The following CACNB2 variants were observed in gnomAD, a reference collection of about 807,000 sequenced individuals.
CACNB2 encodes voltage-dependent L-type calcium channel subunit beta-2.
A neutral mutation model predicts 73.3 loss-of-function variants in CACNB2; 42 were observed. The observed-to-expected ratio is 0.57, with a 90% CI of 0.45 to 0.74. CACNB2 has a LOEUF of 0.74. Among genes scored for constraint, CACNB2 ranks in the 30% least tolerant of loss-of-function variants. CACNB2 has a pLI of 0.00. For synonymous variants in CACNB2, 348 were observed against 310.3 expected, an observed-to-expected ratio of 1.12 and a Z score of -1.28; for missense variants, 940 against 853.0, an observed-to-expected ratio of 1.10 and a Z score of -1.27.
At chr10:18,355,753 A>G (rs1050519519) in intron 2 of CACNB2, among the ~76,000 whole-genome samples, 1 of 150,940 alleles carries the variant, frequency 6.6e-6, no homozygotes, top group African/African-American at 2.4e-5. Flanking sequence ...TCTCTGCCTC[A>G]GCCTCCCGAG....
intron 2 of CACNB2, among the ~76,000 whole-genome samples, chr10:18,326,864 C>G (rs191878296): frequency 6.6e-6 from 1 of 152,058 alleles, no homozygotes; most frequent in Non-Finnish European, 1.5e-5. Flanking sequence ...GTAGCTGGGA[C>G]TACAGGCATG....
chr10:18,452,833 A>G (rs2047079969), intron 3 of CACNB2, among the ~76,000 whole-genome samples: 1 of 152,228 alleles, frequency 6.6e-6, no homozygotes, highest in Non-Finnish European at 1.5e-5. Flanking sequence ...TCATTCCTTA[A>G]TGAGTATACC....
intron 2 of CACNB2, among the ~76,000 whole-genome samples, chr10:18,386,494 C>T (rs1386990249): frequency 6.6e-6 from 1 of 150,578 alleles, no homozygotes; most frequent in African/African-American, 2.4e-5. Context: ...GCTCCGCCTC[C>T]TGGGTTTGCA....
At chr10:18,346,906 C>T (rs2041482038) in intron 2 of CACNB2, among the ~76,000 whole-genome samples, 1 of 152,010 alleles carries the variant, frequency 6.6e-6, no homozygotes, top group South Asian at 2.1e-4. Context: ...CTGTTAGTGG[C>T]TTTTTGGACA....
chr10:18,535,525 C>A (rs1417785450), intron 11 of CACNB2, among the ~76,000 whole-genome samples: 1 of 152,074 alleles, frequency 6.6e-6, no homozygotes, highest in Non-Finnish European at 1.5e-5. Context: ...GTAATCCCAG[C>A]ACTCTACTAG....
intron 3 of CACNB2, among the ~76,000 whole-genome samples, chr10:18,487,476 G>A (rs2132900858): frequency 6.6e-6 from 1 of 152,234 alleles, no homozygotes; most frequent in East Asian, 1.9e-4. Context: ...TAATAGTGCT[G>A]GAGTCAGGGT....
At chr10:18,244,992 C>A (rs895184168) in intron 2 of CACNB2, among the ~76,000 whole-genome samples, 8 of 151,914 alleles carry the variant, frequency 5.3e-5, no homozygotes, top group African/African-American at 1.9e-4. Flanking sequence ...TGTGGAGGGG[C>A]CATGAGCCAA....
intron 2 of CACNB2, among the ~76,000 whole-genome samples, chr10:18,358,649 G>GA (rs2042028594): frequency 6.6e-6 from 1 of 151,214 alleles, no homozygotes; most frequent in Non-Finnish European, 1.5e-5. Flanking sequence ...GACATGCCAA[G>GA]TTTTTTTTAA....
intron 2 of CACNB2, among the ~76,000 whole-genome samples, chr10:18,220,239 A>AGAGAGGGTGG (rs1564354026): frequency 2.2e-4 from 15 of 69,436 alleles, no homozygotes; most frequent in South Asian, 9.3e-4. Flanking sequence ...ATATAGAGAG[A>AGAGAGGGTGG]GAGAGAGAGA....
intron 2 of CACNB2, among the ~76,000 whole-genome samples, chr10:18,381,974 A>G (rs2043037775): frequency 6.6e-6 from 1 of 152,052 alleles, no homozygotes. Flanking sequence ...CTTCATGACA[A>G]GCACAAAAGC....
At chr10:18,481,424 T>A (rs2048769898) in intron 3 of CACNB2, among the ~76,000 whole-genome samples, 1 of 150,258 alleles carries the variant, frequency 6.7e-6, no homozygotes, top group Non-Finnish European at 1.5e-5. Context: ...TTTTTGTATT[T>A]TTAGTAGAGA....
intron 2 of CACNB2, among the ~76,000 whole-genome samples, chr10:18,196,623 A>T (rs927742109): frequency 6.6e-6 from 1 of 152,130 alleles, no homozygotes; most frequent in African/African-American, 2.4e-5. Context: ...GGCCAAAGAA[A>T]CATTTTTGAC....
Position 18,543,345 on chromosome 10 carries a change from C to T in CACNB2, c.*3621C>T, listed in dbSNP as rs2054143143. On this transcript the variant is annotated 3_prime_UTR_variant, in exon 14 of 14. Coordinates refer to ENST00000324631, the MANE Select transcript of CACNB2 (RefSeq NM_201596.3). The stretch of plus-strand genomic sequence containing the variant: ...GATAAAATATTTTATTCAACGTGAG[C>T]TCTAGCAGAATAATCTGGGTCAGTT... 6.6e-6 allele frequency: 1 copy of T among 152,012 alleles called. No homozygotes were observed. Among genetic ancestry groups the T allele is most frequent in the Non-Finnish European group, 1.5e-5 (1 of 67,990 alleles). 9.4% of individuals were successfully genotyped at this position (152,012 alleles called of 1,614,324 possible).
At chr10:18,330,702 TC>T (rs1430675274) in intron 2 of CACNB2, among the ~76,000 whole-genome samples, 1 of 151,950 alleles carries the variant, frequency 6.6e-6, no homozygotes, top group African/African-American at 2.4e-5. Context: ...GGAGTCTTGC[TC>T]TGTTGCCCAG....
At chr10:18,418,522 G>A (rs1244918427) in intron 3 of CACNB2, among the ~76,000 whole-genome samples, 1 of 152,108 alleles carries the variant, frequency 6.6e-6, no homozygotes, top group East Asian at 1.9e-4. Flanking sequence ...AGCTTAATAG[G>A]CAGATAAGAT....
At chr10:18,474,750 C>A (rs2048353984) in intron 3 of CACNB2, among the ~76,000 whole-genome samples, 3 of 152,026 alleles carry the variant, frequency 2.0e-5, no homozygotes, top group Admixed American at 2.0e-4. Flanking sequence ...CTCAATTCTT[C>A]CAACAACAGA....
chr10:18,456,114 T>C (rs1317770959), intron 3 of CACNB2, among the ~76,000 whole-genome samples: 1 of 152,198 alleles, frequency 6.6e-6, no homozygotes, highest in Non-Finnish European at 1.5e-5. Flanking sequence ...TAATGGAATC[T>C]TTACTTTCTT....
rs551178312 is a variant in CACNB2 at position 18,263,265 on chromosome 10, G to C, written c.213+112290G>C. On this transcript the variant is annotated intron_variant, in intron 2 of 13. Coordinates refer to ENST00000324631, the MANE Select transcript of CACNB2 (RefSeq NM_201596.3). ...CCACTGTGCATCTATCTGTAACGGAGACTTTAGATTTGACCGCAAAGCAGA... is the reference window on the plus strand; with the variant it reads ...CCACTGTGCATCTATCTGTAACGGACACTTTAGATTTGACCGCAAAGCAGA... Among the ~76,000 whole-genome samples the C allele has an allele frequency of 5.9e-4, 90 of 152,282 alleles. 1 individual carries two copies. Among genetic ancestry groups the C allele is most frequent in the South Asian group, 3.5e-3 (17 of 4,822 alleles).
At chr10:18,222,443 C>A (rs1430944284) in intron 2 of CACNB2, among the ~76,000 whole-genome samples, 1 of 23,946 alleles carries the variant, frequency 4.2e-5, no homozygotes, top group African/African-American at 7.8e-5. Context: ...TTCTGTGAGA[C>A]CCTCTGCGAA....
Sources: gnomAD v4.1 joint callset for allele counts (sites outside exome capture counted in the v4.1 genomes callset) on GRCh38, gnomAD v4.1.1 for gene constraint, MANE v1.5 for transcripts, NCBI Gene and HGNC (gene_info 2026-07-23, HGNC 2026-07-21) for gene names.